Variants in PALLD observed in about 807,000 individuals in gnomAD.
PALLD encodes the protein palladin.
Under a neutral mutation model 123.5 loss-of-function variants are expected in PALLD, and 61 were observed. The ratio of observed to expected loss-of-function variants is 0.49; its 90% CI spans 0.40 to 0.61. PALLD has a LOEUF of 0.61. PALLD is among the 20% of genes least tolerant of loss of function. The pLI, the probability that PALLD is intolerant of heterozygous loss-of-function variation, is 0.00. For missense variants in PALLD, 1,273 were observed against 1,377.0 expected (o/e 0.92, Z 1.20); for synonymous variants, 465 against 496.4 (o/e 0.94, Z 0.84).
At chr4:168,743,101 G>A (rs1788522067) in intron 10 of PALLD, among the ~76,000 whole-genome samples, 1 of 152,152 alleles carries the variant, frequency 6.6e-6, no homozygotes, top group Non-Finnish European at 1.5e-5. Flanking sequence ...TCTACTGCGT[G>A]ATAACTCTCA....
chr4:168,720,475 T>G (rs190982130), intron 10 of PALLD, among the ~76,000 whole-genome samples: 91 of 152,280 alleles, frequency 6.0e-4, no homozygotes, highest in Non-Finnish European at 8.8e-5. Context: ...TTAGGGAAGA[T>G]AGAGCAGAAA....
At chr4:168,587,795 A>C (rs79387662) in intron 2 of PALLD, among the ~76,000 whole-genome samples, 23,867 of 152,074 alleles carry the variant, frequency 0.16, 2,277 homozygotes, top group East Asian at 0.49. Flanking sequence ...TGCCATCCCC[A>C]ATAGCCAAAA....
chr4:168,581,507 A>C (rs1292958969), intron 2 of PALLD, among the ~76,000 whole-genome samples: 3 of 152,062 alleles, frequency 2.0e-5, no homozygotes, highest in African/African-American at 7.2e-5. Context: ...AGTGATATCA[A>C]GTGCTTTTTC....
chr4:168,817,344 GA>G (rs1403598607), intron 10 of PALLD, among the ~76,000 whole-genome samples: 3 of 152,196 alleles, frequency 2.0e-5, no homozygotes, highest in Non-Finnish European at 4.4e-5. Flanking sequence ...AAGTTTCCAA[GA>G]ACCAACAGAA....
intron 2 of PALLD, among the ~76,000 whole-genome samples, chr4:168,546,753 C>T (rs186215282): frequency 1.7e-4 from 26 of 152,268 alleles, no homozygotes; most frequent in Middle Eastern, 3.4e-3. Context: ...TAAAACTAAG[C>T]GCAAATTCCA....
At chr4:168,792,036 A>G (rs1165248153) in intron 10 of PALLD, among the ~76,000 whole-genome samples, 1 of 152,206 alleles carries the variant, frequency 6.6e-6, no homozygotes, top group Non-Finnish European at 1.5e-5. Flanking sequence ...CTCTTCAAAA[A>G]TTTGATGAAA....
intron 2 of PALLD, among the ~76,000 whole-genome samples, chr4:168,601,588 C>T (rs981789884): frequency 2.6e-5 from 4 of 152,046 alleles, no homozygotes; most frequent in Non-Finnish European, 4.4e-5. Context: ...CTGAATAGAT[C>T]CAACCCTCCG....
At chr4:168,902,906 G>A (rs564517134) in intron 14 of PALLD, among the ~76,000 whole-genome samples, 1 of 152,114 alleles carries the variant, frequency 6.6e-6, no homozygotes, top group South Asian at 2.1e-4. Context: ...CAAATAGCTA[G>A]GGCTATAGAC....
At chr4:168,802,120 C>T (rs748273478) in intron 10 of PALLD, among the ~76,000 whole-genome samples, 2 of 152,160 alleles carry the variant, frequency 1.3e-5, no homozygotes, top group African/African-American at 2.4e-5. Flanking sequence ...AGTTACTTCT[C>T]GGGAATGCTC....
chr4:168,781,761 A>T (rs1387102462), intron 10 of PALLD, among the ~76,000 whole-genome samples: 1 of 152,184 alleles, frequency 6.6e-6, no homozygotes, highest in East Asian at 1.9e-4. Flanking sequence ...GCAATTCAGA[A>T]CACAGCTCAC....
In PALLD at chr4:168,544,365, T is replaced by C. The variant is rs185550518; in HGVS notation, c.908+31953T>C. Reference sequence around the variant, plus strand: ...CAAAATAAGTAAATGCTGTCTTGCCTTGAGTAGTATAATATTGCAGCATAG... The same window carrying C: ...CAAAATAAGTAAATGCTGTCTTGCCCTGAGTAGTATAATATTGCAGCATAG... On this transcript the variant is annotated intron_variant, in intron 2 of 21. Coordinates refer to ENST00000505667, the MANE Select transcript of PALLD (RefSeq NM_001166108.2). Among the ~76,000 whole-genome samples, 7 of 152,380 alleles carry C rather than the reference T, an allele frequency of 4.6e-5. No homozygotes were observed. In the East Asian group the frequency reaches 1.3e-3, roughly 29 times the overall value.
At chr4:168,608,827 G>A (rs1022761337) in intron 2 of PALLD, among the ~76,000 whole-genome samples, 1 of 150,880 alleles carries the variant, frequency 6.6e-6, no homozygotes. Context: ...AATAGAAGAT[G>A]AGGAAGGCGG....
At chr4:168,627,264 C>T (rs1299131505) in intron 2 of PALLD, among the ~76,000 whole-genome samples, 2 of 152,176 alleles carry the variant, frequency 1.3e-5, no homozygotes, top group Non-Finnish European at 2.9e-5. Flanking sequence ...AATCCTAGCA[C>T]TTTGGAAGGC....
At chr4:168,835,136 A>T (rs555892318) in intron 10 of PALLD, among the ~76,000 whole-genome samples, 1 of 152,328 alleles carries the variant, frequency 6.6e-6, no homozygotes, top group East Asian at 1.9e-4. Context: ...GGTGTATTCG[A>T]CATTTTCTTT....
chr4:168,666,026 C>T (rs1460132421), intron 2 of PALLD, among the ~76,000 whole-genome samples: 1 of 151,596 alleles, frequency 6.6e-6, no homozygotes, highest in African/African-American at 2.4e-5. Context: ...AACTTTATGT[C>T]ACAAAATACT....
chr4:168,634,330 A>T (rs1776124904), intron 2 of PALLD, among the ~76,000 whole-genome samples: 1 of 152,236 alleles, frequency 6.6e-6, no homozygotes, highest in African/African-American at 2.4e-5. Context: ...TTTGTTGGTC[A>T]GCCCCAAAGA....
At chr4:168,657,554 T>G (rs1446497132) in intron 2 of PALLD, among the ~76,000 whole-genome samples, 1 of 152,196 alleles carries the variant, frequency 6.6e-6, no homozygotes, top group Non-Finnish European at 1.5e-5. Flanking sequence ...AGTGAGGGTA[T>G]AGGAGTCCTT....
chr4:168,800,212 A>G (rs1739124059), intron 10 of PALLD, among the ~76,000 whole-genome samples: 1 of 152,216 alleles, frequency 6.6e-6, no homozygotes, highest in Admixed American at 6.5e-5. Flanking sequence ...TTCCAGGTGG[A>G]TTAAACAAGG....
chr4:168,607,709 C>G (rs1475869123), intron 2 of PALLD, among the ~76,000 whole-genome samples: 1 of 151,886 alleles, frequency 6.6e-6, no homozygotes, highest in Non-Finnish European at 1.5e-5. Context: ...GTAGTTGAGG[C>G]TGTCATGCTG....
Sources: allele counts gnomAD v4.1 joint callset (sites outside exome capture counted in the v4.1 genomes callset), GRCh38; gene constraint gnomAD v4.1.1; transcripts MANE v1.5; gene names NCBI Gene and HGNC (gene_info 2026-07-23, HGNC 2026-07-21).